The following MOB1B variants were observed in gnomAD, a reference collection of about 807,000 sequenced individuals.
The protein encoded by MOB1B is MOB1 Mps One Binder homolog B.
A neutral mutation model predicts 24.4 loss-of-function variants in MOB1B; 19 were observed. The observed-to-expected ratio is 0.78, with a 90% CI of 0.54 to 1.14. The LOEUF is 1.14. Ranked by LOEUF, MOB1B falls within the 50% of genes most tolerant of loss-of-function variation. MOB1B has a pLI of 0.00. For synonymous variants in MOB1B, 76 were observed against 82.1 expected (o/e 0.93, Z 0.40); for missense variants, 243 against 259.6 (o/e 0.94, Z 0.44).
intron 3 of MOB1B, among the ~76,000 whole-genome samples, chr4:70,972,302 A>G (rs1452611819): frequency 6.6e-6 from 1 of 151,580 alleles, no homozygotes; most frequent in African/African-American, 2.4e-5. Context: ...CAACCTCTGC[A>G]TCCTAGGTTC....
intron 2 of MOB1B, among the ~76,000 whole-genome samples, chr4:70,963,471 T>C (rs2148896236): frequency 6.6e-6 from 1 of 152,278 alleles, no homozygotes; most frequent in Admixed American, 6.5e-5. Flanking sequence ...TAAGTTGAAA[T>C]CCAAATATTA....
At chr4:70,928,918 G>T (rs1428172993) in intron 1 of MOB1B, among the ~76,000 whole-genome samples, 3 of 151,838 alleles carry the variant, frequency 2.0e-5, no homozygotes, top group Non-Finnish European at 2.9e-5. Context: ...ACATAGTTTT[G>T]TAGAGACCTT....
intron 1 of MOB1B, among the ~76,000 whole-genome samples, chr4:70,954,625 A>G (rs1476497573): frequency 6.6e-6 from 1 of 150,528 alleles, no homozygotes; most frequent in East Asian, 2.0e-4. Context: ...CCAGCTAATT[A>G]TTACGTTTTT....
chr4:70,980,009 A>G (rs1407659020), intron 5 of MOB1B, among the ~76,000 whole-genome samples: 1 of 152,192 alleles, frequency 6.6e-6, no homozygotes, highest in Non-Finnish European at 1.5e-5. Context: ...TTGTTGTTGG[A>G]GGTTGAGAAG....
chr4:70,932,401 T>G (rs1159428870), intron 1 of MOB1B, among the ~76,000 whole-genome samples: 1 of 152,194 alleles, frequency 6.6e-6, no homozygotes, highest in Non-Finnish European at 1.5e-5. Context: ...TTTTTCTTTT[T>G]CTTTCTTTTT....
intron 4 of MOB1B, 21 bp downstream of exon 4, chr4:70,975,307 G>A (rs747723780): frequency 6.2e-7 from 1 of 1,607,452 alleles, no homozygotes; most frequent in South Asian, 1.1e-5. Context: ...TTTTTGTAAG[G>A]GGGATCCATC....
At chr4:70,920,131 G>C (rs1736362230) in intron 1 of MOB1B, among the ~76,000 whole-genome samples, 1 of 151,874 alleles carries the variant, frequency 6.6e-6, no homozygotes, top group South Asian at 2.1e-4. Context: ...TTATTTCCCA[G>C]AAATTACTCA....
chr4:70,923,913 C>T (rs1736542789), intron 1 of MOB1B, among the ~76,000 whole-genome samples: 1 of 139,800 alleles, frequency 7.2e-6, no homozygotes, highest in African/African-American at 2.8e-5. Flanking sequence ...CACCACTGCA[C>T]TCCAGCCTGG....
chr4:70,961,072 C>T (rs1001531729), intron 2 of MOB1B, among the ~76,000 whole-genome samples: 4 of 152,100 alleles, frequency 2.6e-5, no homozygotes, highest in Admixed American at 6.6e-5. Flanking sequence ...TTTTCCTATA[C>T]ACTACGTACC....
chr4:70,971,504 C>CA (rs906280735), intron 3 of MOB1B, among the ~76,000 whole-genome samples: 2,651 of 64,392 alleles, frequency 0.041, 85 homozygotes, highest in African/African-American at 0.11. Flanking sequence ...GACTCTGTCT[C>CA]AAAAAAAAAA....
Position 70,965,208 on chromosome 4 carries a change from A to G in MOB1B, c.182-4723A>G, listed in dbSNP as rs138251884. Among the ~76,000 whole-genome samples the G allele has an allele frequency of 1.9e-3, 285 of 150,274 alleles. 1 individual carries two copies. Among genetic ancestry groups the G allele is most frequent in the African/African-American group, 6.7e-3 (272 of 40,790 alleles). On this transcript the variant is annotated intron_variant, in intron 2 of 5. Coordinates refer to ENST00000309395, the MANE Select transcript of MOB1B (RefSeq NM_173468.4). ...CCTGCTTGGGAGGCTGAAGCAGGAGAATCACTTGAACCTGGGAGGCAGAGG... is the reference window on the plus strand; with the variant it reads ...CCTGCTTGGGAGGCTGAAGCAGGAGGATCACTTGAACCTGGGAGGCAGAGG...
chr4:70,926,494 A>G (rs909918220), intron 1 of MOB1B, among the ~76,000 whole-genome samples: 2 of 152,230 alleles, frequency 1.3e-5, no homozygotes, highest in Admixed American at 1.3e-4. Context: ...AGCTTTTCAT[A>G]AACCAGAGTC....
intron 1 of MOB1B, among the ~76,000 whole-genome samples, chr4:70,914,472 C>T (rs1307636730): frequency 6.6e-6 from 1 of 152,180 alleles, no homozygotes; most frequent in East Asian, 1.9e-4. Flanking sequence ...GACGTTGGTT[C>T]TGCTCAGTGG....
In MOB1B at chr4:70,958,897, T is replaced by C. The variant is rs751942946; in HGVS notation, c.38T>C (p.Phe13Ser). Residue 13 changes from phenylalanine to serine, a missense_variant, in exon 2 of 6, where the codon TTT (phenylalanine) becomes TCT (serine). Phe to Ser is a radical substitution (Grantham distance 155). Coordinates refer to ENST00000309395, the MANE Select transcript of MOB1B (RefSeq NM_173468.4). ...FLFGSRSSKT[F>S]KPKKNIPEGS... Reference sequence around the variant, plus strand: ...AGTGGTAGTCGCTCTTCTAAAACTTTTAAACCAAAGAAGAACATTCCAGAG... The same window carrying C: ...AGTGGTAGTCGCTCTTCTAAAACTTCTAAACCAAAGAAGAACATTCCAGAG... 5 of 1,612,082 alleles carry C rather than the reference T, an allele frequency of 3.1e-6. No homozygotes were observed. In the African/African-American group the frequency reaches 4.0e-5, roughly 13 times the overall value.
At chr4:70,907,900 C>G (rs943848571) in intron 1 of MOB1B, among the ~76,000 whole-genome samples, 2 of 152,246 alleles carry the variant, frequency 1.3e-5, no homozygotes, top group African/African-American at 4.8e-5. Context: ...CCCACCTCAA[C>G]CTCCAGAGTA....
At chr4:70,918,504 G>A (rs113193200) in intron 1 of MOB1B, among the ~76,000 whole-genome samples, 4,245 of 151,866 alleles carry the variant, frequency 0.028, 174 homozygotes, top group African/African-American at 0.095. Flanking sequence ...AGAAGTGCCT[G>A]TTCATGTCCT....
At chr4:70,937,956 A>C (rs949668252) in intron 1 of MOB1B, among the ~76,000 whole-genome samples, 13 of 151,668 alleles carry the variant, frequency 8.6e-5, no homozygotes, top group African/African-American at 2.9e-4. Context: ...TCTTTTTTTA[A>C]TGTGGTGTTC....
chr4:70,918,220 G>T (rs989625236), intron 1 of MOB1B, among the ~76,000 whole-genome samples: 2 of 151,922 alleles, frequency 1.3e-5, no homozygotes. Context: ...TGGGATGGCT[G>T]GGTCAAATGG....
chr4:70,943,248 G>A (rs1737422348), intron 1 of MOB1B, among the ~76,000 whole-genome samples: 1 of 152,120 alleles, frequency 6.6e-6, no homozygotes, highest in Non-Finnish European at 1.5e-5. Context: ...AAATGGGGTG[G>A]TTCAGCTTTT....
Sources: gnomAD v4.1 joint callset for allele counts (sites outside exome capture counted in the v4.1 genomes callset) on GRCh38, gnomAD v4.1.1 for gene constraint, MANE v1.5 for transcripts, NCBI Gene and HGNC (gene_info 2026-07-23, HGNC 2026-07-21) for gene names.